The following KCNIP4 variants were observed in gnomAD, a reference collection of about 807,000 sequenced individuals.
The protein encoded by KCNIP4 is potassium voltage-gated channel interacting protein 4, also known as Kv channel-interacting protein 4.
KCNIP4 carries 12 observed loss-of-function variants against 34.0 expected under a neutral mutation model. That is an observed-to-expected ratio of 0.35 (90% CI 0.23 to 0.57). The LOEUF (loss-of-function observed/expected upper bound fraction) is 0.57. KCNIP4 is among the 20% of genes least tolerant of loss of function. KCNIP4 has a pLI of 0.83. For synonymous variants in KCNIP4, 124 were observed against 102.2 expected, an observed-to-expected ratio of 1.21 and a Z score of -1.29; for missense variants, 238 against 311.7, an observed-to-expected ratio of 0.76 and a Z score of 1.78.
rs113648102 is a variant in KCNIP4 at position 21,725,362 on chromosome 4, T to C, written c.61+223209A>G. Among the ~76,000 whole-genome samples the C allele has an allele frequency of 8.7e-3, 1,329 of 152,268 alleles. 18 individuals carry two copies. The highest frequency in any genetic ancestry group is 0.039 in the South Asian group (186 of 4,824). ...GCTGAAAAATTGGATACCTCAGATG[T>C]ACTTCGAAGTCATCCATAAAATACT... is the stretch of plus-strand genomic sequence containing the variant. On this transcript the variant is annotated intron_variant, in intron 1 of 8. Coordinates refer to ENST00000382152, the MANE Select transcript of KCNIP4 (RefSeq NM_025221.6).
At chr4:21,697,491 A>G in intron 1 of KCNIP4, 1 of 1,506,772 alleles carries the variant, frequency 6.6e-7, no homozygotes, top group Non-Finnish European at 8.8e-7. Context: ...GCCAATAATA[A>G]TAATAATAAT....
intron 2 of KCNIP4, among the ~76,000 whole-genome samples, chr4:20,867,700 G>A (rs1363837653): frequency 6.6e-6 from 1 of 152,060 alleles, no homozygotes; most frequent in East Asian, 1.9e-4. Context: ...AAGAGCTCCT[G>A]CACAGTAAAA....
intron 1 of KCNIP4, among the ~76,000 whole-genome samples, chr4:21,251,352 A>G (rs1004455709): frequency 2.0e-5 from 3 of 152,092 alleles, no homozygotes; most frequent in African/African-American, 7.2e-5. Context: ...ATTTGCATGC[A>G]TTACTTTTTA....
intron 1 of KCNIP4, among the ~76,000 whole-genome samples, chr4:21,098,912 A>G (rs190592989): frequency 7.4e-4 from 112 of 152,326 alleles, no homozygotes; most frequent in Non-Finnish European, 1.3e-3. Flanking sequence ...TCAAAACCAC[A>G]ATGAGATACC....
chr4:20,905,998 G>A (rs1354508298), intron 1 of KCNIP4, among the ~76,000 whole-genome samples: 1 of 151,688 alleles, frequency 6.6e-6, no homozygotes, highest in African/African-American at 2.4e-5. Context: ...CACCACTAAC[G>A]GGTCAATTTC....
intron 1 of KCNIP4, among the ~76,000 whole-genome samples, chr4:21,634,006 C>A (rs531974839): frequency 6.6e-6 from 1 of 151,906 alleles, no homozygotes; most frequent in Non-Finnish European, 1.5e-5. Context: ...GTTTACTGTA[C>A]ATTTATTAGC....
intron 1 of KCNIP4, among the ~76,000 whole-genome samples, chr4:21,256,418 T>TGA (rs1761066196): frequency 8.3e-6 from 1 of 120,946 alleles, no homozygotes; most frequent in Non-Finnish European, 1.7e-5. Flanking sequence ...CATCCCTGCT[T>TGA]AAAAAAAAAA....
chr4:21,451,218 G>A (rs1728482896), intron 1 of KCNIP4, among the ~76,000 whole-genome samples: 1 of 152,106 alleles, frequency 6.6e-6, no homozygotes, highest in South Asian at 2.1e-4. Flanking sequence ...CCATTCCTGA[G>A]TAATGAGCAA....
At chr4:21,937,932 G>A (rs899676415) in intron 1 of KCNIP4, among the ~76,000 whole-genome samples, 1 of 152,072 alleles carries the variant, frequency 6.6e-6, no homozygotes, top group African/African-American at 2.4e-5. Context: ...GTCATGCTGT[G>A]CTCTTGATTG....
At chr4:21,666,182 C>T (rs1422609049) in intron 1 of KCNIP4, among the ~76,000 whole-genome samples, 1 of 152,110 alleles carries the variant, frequency 6.6e-6, no homozygotes, top group Non-Finnish European at 1.5e-5. Flanking sequence ...CAGCTTTGTT[C>T]CTTTTTAAAA....
intron 1 of KCNIP4, among the ~76,000 whole-genome samples, chr4:20,999,422 TTTTTG>T (rs1279229886): frequency 1.0e-4 from 4 of 38,828 alleles, no homozygotes; most frequent in African/African-American, 2.6e-4. Flanking sequence ...GTGTTTTTTT[TTTTTG>T]TTTGTTTTTT....
chr4:21,470,007 G>T (rs923310934), intron 1 of KCNIP4, among the ~76,000 whole-genome samples: 2 of 152,104 alleles, frequency 1.3e-5, no homozygotes, highest in African/African-American at 4.8e-5. Flanking sequence ...AATTGTGGCC[G>T]AAATATAATA....
chr4:20,807,564 T>C (rs1381508549), intron 3 of KCNIP4, among the ~76,000 whole-genome samples: 20 of 152,124 alleles, frequency 1.3e-4, no homozygotes, highest in Non-Finnish European at 5.9e-5. Context: ...ATCTGGCCCT[T>C]TAAAAGAAAA....
chr4:20,820,733 G>T (rs1440466311), intron 3 of KCNIP4, among the ~76,000 whole-genome samples: 1 of 152,176 alleles, frequency 6.6e-6, no homozygotes, highest in Non-Finnish European at 1.5e-5. Context: ...AGCAGAATGG[G>T]TTCAAAGGAT....
rs1290080595 is a variant in KCNIP4, at chr4:20,803,721, G to GGA, written c.289-44832_289-44831insTC. Reference sequence around the variant, plus strand: ...AGAGAGAAAGAGAGAGAGAGAGAGAGAGAGAGAGGAAGGAAGGAAGGAAGG... The same window carrying GGA: ...AGAGAGAAAGAGAGAGAGAGAGAGAGGAAGAGAGAGGAAGGAAGGAAGGAAGG... On this transcript the variant is annotated intron_variant, in intron 3 of 8. Coordinates refer to ENST00000382152, the MANE Select transcript of KCNIP4 (RefSeq NM_025221.6). 1.1e-3 allele frequency among the ~76,000 whole-genome samples: 144 copies of GGA among 128,154 alleles called. 1 individual carries two copies. The South Asian group carries it at 0.025, about 22-fold the overall frequency. The allele number at this position is 128,154 out of a possible 152,430, so 84.1% of individuals were successfully genotyped here.
intron 1 of KCNIP4, among the ~76,000 whole-genome samples, chr4:20,902,325 G>A (rs1727240504): frequency 6.6e-6 from 1 of 152,070 alleles, no homozygotes; most frequent in Admixed American, 6.6e-5. Flanking sequence ...AGGGATGCTG[G>A]AAACCACAGG....
intron 1 of KCNIP4, among the ~76,000 whole-genome samples, chr4:21,731,574 T>C (rs1053060198): frequency 2.0e-5 from 3 of 152,148 alleles, no homozygotes; most frequent in African/African-American, 7.2e-5. Context: ...TAAATTAAGA[T>C]ATTTTTTATC....
intron 3 of KCNIP4, among the ~76,000 whole-genome samples, chr4:20,764,957 C>A (rs2149369358): frequency 6.6e-6 from 1 of 152,282 alleles, no homozygotes; most frequent in Non-Finnish European, 1.5e-5. Context: ...TTAACACTTT[C>A]ATCAACCCTG....
intron 1 of KCNIP4, among the ~76,000 whole-genome samples, chr4:21,396,632 G>C (rs1723038297): frequency 6.7e-6 from 1 of 150,206 alleles, no homozygotes; most frequent in African/African-American, 2.4e-5. Flanking sequence ...GTTCAGGATG[G>C]AACTAGGTCT....
Sources: allele counts gnomAD v4.1 joint callset (sites outside exome capture counted in the v4.1 genomes callset), GRCh38; gene constraint gnomAD v4.1.1; transcripts MANE v1.5; gene names NCBI Gene and HGNC (gene_info 2026-07-23, HGNC 2026-07-21).